The following LEKR1 variants were observed in gnomAD, a reference collection of about 807,000 sequenced individuals.
LEKR1 encodes protein LEKR1.
Under a neutral mutation model 72.4 loss-of-function variants are expected in LEKR1, and 59 were observed. The observed-to-expected ratio is 0.82, with a 90% CI of 0.66 to 1.01. The LOEUF (loss-of-function observed/expected upper bound fraction) is 1.01, where lower values mean the gene tolerates loss of function less well. Ranked by LOEUF, LEKR1 falls within the 50% of genes least tolerant of loss-of-function variation. LEKR1 has a pLI of 0.00. For synonymous variants in LEKR1, 257 were observed against 263.2 expected (o/e 0.98, Z 0.23); for missense variants, 728 against 759.2 (o/e 0.96, Z 0.48).
chr3:156,864,544 A>G (rs1481789495), intron 3 of LEKR1, among the ~76,000 whole-genome samples: 3 of 151,996 alleles, frequency 2.0e-5, no homozygotes, highest in African/African-American at 7.2e-5. Context: ...TTTTCTTGCC[A>G]TTCTTACTGA....
At chr3:156,989,372 T>C (rs1305072520) in intron 7 of LEKR1, among the ~76,000 whole-genome samples, 1 of 152,222 alleles carries the variant, frequency 6.6e-6, no homozygotes, top group African/African-American at 2.4e-5. Context: ...TAGCATAATT[T>C]TTGCTAGAAT....
intron 6 of LEKR1, among the ~76,000 whole-genome samples, chr3:156,955,982 T>G (rs1386362463): frequency 6.6e-6 from 1 of 151,728 alleles, no homozygotes; most frequent in Non-Finnish European, 1.5e-5. Flanking sequence ...AGTAAGTAGC[T>G]TACATTTTCA....
At chr3:156,930,873 C>A (rs1319850346) in intron 5 of LEKR1, among the ~76,000 whole-genome samples, 1 of 152,092 alleles carries the variant, frequency 6.6e-6, no homozygotes, top group Non-Finnish European at 1.5e-5. Context: ...GAAAAATATA[C>A]CTCAACTTCT....
intron 11 of LEKR1, among the ~76,000 whole-genome samples, chr3:157,027,762 C>A (rs947233204): frequency 1.3e-5 from 2 of 152,018 alleles, no homozygotes; most frequent in Non-Finnish European, 2.9e-5. Flanking sequence ...TGCTGAGAGC[C>A]ATGATTACAC....
chr3:157,028,029 T>A (rs1734330631), intron 11 of LEKR1, 74 bp from the exon 12 acceptor site: 1 of 1,023,648 alleles, frequency 9.8e-7, no homozygotes, highest in African/African-American at 1.6e-5. Context: ...AAAATAAACC[T>A]CTTAAAAACC....
chr3:156,936,271 A>T (rs182180256), intron 5 of LEKR1, among the ~76,000 whole-genome samples: 1 of 152,204 alleles, frequency 6.6e-6, no homozygotes, highest in Admixed American at 6.5e-5. Context: ...TCTGCACTCA[A>T]CCACACTGGC....
chr3:156,973,592 G>A (rs1334334118), intron 6 of LEKR1, among the ~76,000 whole-genome samples: 1 of 152,024 alleles, frequency 6.6e-6, no homozygotes, highest in African/African-American at 2.4e-5. Flanking sequence ...ATTTGAATTC[G>A]ATAAGAACAG....
intron 5 of LEKR1, among the ~76,000 whole-genome samples, chr3:156,934,155 C>A (rs1282886302): frequency 3.9e-5 from 6 of 152,150 alleles, no homozygotes; most frequent in African/African-American, 1.4e-4. Context: ...TTTACTACTA[C>A]CAGAAATATT....
intron 2 of LEKR1, among the ~76,000 whole-genome samples, chr3:156,841,498 G>T (rs1713902060): frequency 6.6e-6 from 1 of 152,148 alleles, no homozygotes; most frequent in South Asian, 2.1e-4. Context: ...CAGAGAAGTG[G>T]GGACACCAAA....
At chr3:156,970,955 C>T (rs960066989) in intron 6 of LEKR1, among the ~76,000 whole-genome samples, 31 of 151,882 alleles carry the variant, frequency 2.0e-4, no homozygotes, top group African/African-American at 7.5e-4. Flanking sequence ...CATCAAGCTA[C>T]CAATGACTTT....
chr3:156,883,542 G>C (rs1342355298), intron 3 of LEKR1, among the ~76,000 whole-genome samples: 1 of 152,168 alleles, frequency 6.6e-6, no homozygotes, highest in African/African-American at 2.4e-5. Context: ...TTGAATTGTA[G>C]CTCCCATAAT....
At chr3:156,972,528 A>G (rs985813479) in intron 6 of LEKR1, among the ~76,000 whole-genome samples, 3 of 151,976 alleles carry the variant, frequency 2.0e-5, no homozygotes, top group African/African-American at 7.2e-5. Flanking sequence ...AAAATAAAAC[A>G]GATTTTAGTT....
At chr3:157,044,130 A>G (rs1735571772) in intron 12 of LEKR1, among the ~76,000 whole-genome samples, 1 of 152,238 alleles carries the variant, frequency 6.6e-6, no homozygotes, top group Non-Finnish European at 1.5e-5. Context: ...GATGTTTTAC[A>G]CTAAGAAGCA....
At chr3:156,956,791 G>T (rs1054001686) in intron 6 of LEKR1, among the ~76,000 whole-genome samples, 2 of 151,942 alleles carry the variant, frequency 1.3e-5, no homozygotes, top group African/African-American at 4.8e-5. Context: ...TATATGAAGT[G>T]TTAAAATCCA....
chr3:156,936,466 C>CACACACA (rs71931633), intron 5 of LEKR1, among the ~76,000 whole-genome samples: 4 of 57,264 alleles, frequency 7.0e-5, no homozygotes, highest in Non-Finnish European at 1.2e-4. Flanking sequence ...CACACACACA[C>CACACACA]CCCCCGTATG....
In LEKR1 at chr3:157,024,884, T is replaced by C. The variant is rs1374115573; in HGVS notation, c.1328T>C (p.Ile443Thr). 1 of 1,605,392 alleles carries C rather than the reference T, an allele frequency of 6.2e-7. No individual in the cohort carries two copies. The highest frequency in any genetic ancestry group is 8.5e-7 in the Non-Finnish European group (1 of 1,174,292). Residue 443 changes from isoleucine (I) to threonine (T), a missense_variant, in exon 11 of 13, where the codon ATC becomes ACC. Coordinates refer to ENST00000356539, the MANE Select transcript of LEKR1 (RefSeq NM_001004316.3). The stretch of plus-strand genomic sequence containing the variant: ...GAAAAAGAAAAACACCAAGATGTAA[T>C]CCAAAAGTATAAGAAAGAACAAGAG... ...DIEKEKHQDV[I>T]QKYKKEQEEL... is the part of the protein sequence containing the mutation.
At chr3:156,831,758 C>T (rs952088405) in intron 2 of LEKR1, among the ~76,000 whole-genome samples, 1 of 152,140 alleles carries the variant, frequency 6.6e-6, no homozygotes, top group Admixed American at 6.5e-5. Flanking sequence ...TATCTCCCAC[C>T]AGGTCCCCCT....
intron 9 of LEKR1, among the ~76,000 whole-genome samples, chr3:156,996,669 C>T (rs751276394): frequency 2.6e-5 from 4 of 152,152 alleles, no homozygotes; most frequent in Non-Finnish European, 5.9e-5. Context: ...ATGAGGATCT[C>T]CAGCTCCTAC....
chr3:156,867,707 G>C (rs2108544999), intron 3 of LEKR1, among the ~76,000 whole-genome samples: 1 of 152,096 alleles, frequency 6.6e-6, no homozygotes, highest in Admixed American at 6.6e-5. Context: ...TATTTTGTGT[G>C]TGTGTTTGTG....
Sources: allele counts gnomAD v4.1 joint callset (sites outside exome capture counted in the v4.1 genomes callset), GRCh38; gene constraint gnomAD v4.1.1; transcripts MANE v1.5; gene names NCBI Gene and HGNC (gene_info 2026-07-23, HGNC 2026-07-21).